Variants in TBC1D1 observed in about 807,000 individuals in gnomAD.
TBC1D1 encodes TBC1 domain family member 1.
A neutral mutation model predicts 125.6 loss-of-function variants in TBC1D1; 89 were observed. The observed-to-expected ratio is 0.71, with a 90% CI of 0.60 to 0.85. TBC1D1 has a LOEUF of 0.85. TBC1D1 is among the 40% of genes least tolerant of loss of function. The probability of loss-of-function intolerance (pLI) is 0.00; values close to 1 mark genes in which losing one functional copy is unlikely to be tolerated. For synonymous variants in TBC1D1, 565 were observed against 564.1 expected (o/e 1.00, Z -0.02); for missense variants, 1,377 against 1,469.2 (o/e 0.94, Z 1.03).
intron 2 of TBC1D1, among the ~76,000 whole-genome samples, chr4:37,920,512 G>A (rs1333850421): frequency 6.6e-6 from 1 of 152,188 alleles, no homozygotes; most frequent in Non-Finnish European, 1.5e-5. Context: ...TGGGAAATAG[G>A]AAGTAAAAGG....
intron 17 of TBC1D1, among the ~76,000 whole-genome samples, chr4:38,121,841 T>A (rs1763902716): frequency 6.6e-6 from 1 of 152,166 alleles, no homozygotes; most frequent in East Asian, 1.9e-4. Flanking sequence ...TAAAATTAGA[T>A]GTGATTTAAA....
At chr4:37,962,339 T>C (rs1730222756) in intron 2 of TBC1D1, among the ~76,000 whole-genome samples, 1 of 152,236 alleles carries the variant, frequency 6.6e-6, no homozygotes, top group Non-Finnish European at 1.5e-5. Flanking sequence ...AAGATTCATA[T>C]TTCTGCATTT....
intron 2 of TBC1D1, among the ~76,000 whole-genome samples, chr4:37,906,495 T>C (rs1717375231): frequency 6.6e-6 from 1 of 152,228 alleles, no homozygotes; most frequent in African/African-American, 2.4e-5. Flanking sequence ...GCTGATTTCT[T>C]TGGACATTGT....
At chr4:37,958,107 A>G (rs1221840246) in intron 2 of TBC1D1, among the ~76,000 whole-genome samples, 1 of 152,244 alleles carries the variant, frequency 6.6e-6, no homozygotes, top group Non-Finnish European at 1.5e-5. Flanking sequence ...CCCTTTTCTC[A>G]TATACGTTTA....
intron 12 of TBC1D1, among the ~76,000 whole-genome samples, chr4:38,060,415 G>T (rs1014311786): frequency 1.3e-5 from 2 of 152,084 alleles, no homozygotes; most frequent in South Asian, 2.1e-4. Context: ...AATAATCACC[G>T]TTCTGACTGG....
At chr4:38,133,666 G>A (rs1406661791) in intron 19 of TBC1D1, among the ~76,000 whole-genome samples, 2 of 152,206 alleles carry the variant, frequency 1.3e-5, no homozygotes, top group Non-Finnish European at 2.9e-5. Flanking sequence ...AAGTAACACA[G>A]AAATAAATAT....
chr4:37,980,147 A>G (rs1010522612), intron 2 of TBC1D1, among the ~76,000 whole-genome samples: 4 of 152,180 alleles, frequency 2.6e-5, no homozygotes, highest in Middle Eastern at 3.2e-3. Context: ...AGAGTGGGCA[A>G]TTTCATGATG....
At chr4:37,955,172 A>G (rs1358328345) in intron 2 of TBC1D1, among the ~76,000 whole-genome samples, 1 of 152,186 alleles carries the variant, frequency 6.6e-6, no homozygotes, top group African/African-American at 2.4e-5. Context: ...TGTATAATCT[A>G]ATAAATTTAA....
chr4:38,015,062 A>G (rs762567709), intron 3 of TBC1D1, 89 bp downstream of exon 3: 130 of 1,061,846 alleles, frequency 1.2e-4, no homozygotes, highest in Non-Finnish European at 1.6e-4. Context: ...TTCTTAGTCA[A>G]TTGCTTTTGA....
chr4:38,127,524 T>C (rs1195392164), intron 18 of TBC1D1, among the ~76,000 whole-genome samples: 1 of 151,962 alleles, frequency 6.6e-6, no homozygotes, highest in Non-Finnish European at 1.5e-5. Context: ...CCTGGGACTA[T>C]AGGCATGTGC....
intron 15 of TBC1D1, among the ~76,000 whole-genome samples, chr4:38,107,464 C>G (rs1213391470): frequency 6.6e-6 from 1 of 151,952 alleles, no homozygotes; most frequent in African/African-American, 2.4e-5. Flanking sequence ...AAGTGACCTT[C>G]ATATTCTGGC....
chr4:38,050,805 T>G (rs764906872), intron 11 of TBC1D1, among the ~76,000 whole-genome samples: 1 of 152,200 alleles, frequency 6.6e-6, no homozygotes, highest in Non-Finnish European at 1.5e-5. Context: ...AGTAAAGAAG[T>G]GTGAGCATTA....
At chr4:38,006,684 T>TGC in intron 2 of TBC1D1, 1 of 280,992 alleles carries the variant, frequency 3.6e-6, no homozygotes, top group Non-Finnish European at 7.0e-6. Context: ...TTTCACCATG[T>TGC]TAGCCAGGAT....
chr4:37,980,798 C>A (rs1734192178), intron 2 of TBC1D1, among the ~76,000 whole-genome samples: 5 of 149,518 alleles, frequency 3.3e-5, no homozygotes, highest in Admixed American at 3.3e-4. Flanking sequence ...AGTGCTCATT[C>A]AACAAGTGTT....
chr4:38,074,593 TCATTTAATCAAAGCAGCCGACTTCTC>T (rs1382792334), intron 12 of TBC1D1, among the ~76,000 whole-genome samples: 1 of 152,168 alleles, frequency 6.6e-6, no homozygotes, highest in Non-Finnish European at 1.5e-5. Flanking sequence ...CTGAATTACT[TCATTTAATCAAAGCAGCCGACTTCTC>T]CTGCCTCCCC....
chr4:38,010,195 T>A (rs1271655273), intron 2 of TBC1D1, among the ~76,000 whole-genome samples: 1 of 152,212 alleles, frequency 6.6e-6, no homozygotes, highest in African/African-American at 2.4e-5. Flanking sequence ...GTCTTCCGCC[T>A]TATTTATTTT....
intron 2 of TBC1D1, among the ~76,000 whole-genome samples, chr4:37,919,046 G>T (rs531150738): frequency 9.5e-5 from 14 of 148,138 alleles, no homozygotes; most frequent in Admixed American, 3.4e-4. Context: ...GCAAGAAAAT[G>T]ATTCCTATCT....
In TBC1D1 at chr4:38,133,726, A is replaced by T. The variant is rs555770623; in HGVS notation, c.3306+469A>T. On this transcript the variant is annotated intron_variant, in intron 19 of 19. Coordinates refer to ENST00000261439, the MANE Select transcript of TBC1D1 (RefSeq NM_015173.4). ...CTTTGTGAGTCCTTGGTGCATATAC[A>T]AAGATTTGATTAATGAAGGTCTCAG... 1.1e-4 allele frequency among the ~76,000 whole-genome samples: 16 copies of T among 152,338 alleles called. No homozygotes were observed. The South Asian group carries it at 3.3e-3, about 32-fold the overall frequency.
rs577432194 is a variant in TBC1D1 at position 38,051,695 on chromosome 4, A to G, written c.1910+1797A>G. On this transcript the variant is annotated intron_variant, in intron 11 of 19. Coordinates refer to ENST00000261439, the MANE Select transcript of TBC1D1 (RefSeq NM_015173.4). Reference sequence around the variant, plus strand: ...GGGAAATGGTCAAGAACGGCCGTCAATATACTCTGTTTTTCACTGAAAACT... The same window carrying G: ...GGGAAATGGTCAAGAACGGCCGTCAGTATACTCTGTTTTTCACTGAAAACT... Among the ~76,000 whole-genome samples, 18 of 152,296 alleles carry G rather than the reference A, an allele frequency of 1.2e-4. No individual in the cohort carries two copies. In the South Asian group the frequency reaches 1.2e-3, roughly 11 times the overall value.
Sources: allele counts gnomAD v4.1 joint callset (sites outside exome capture counted in the v4.1 genomes callset), GRCh38; gene constraint gnomAD v4.1.1; transcripts MANE v1.5; gene names NCBI Gene and HGNC (gene_info 2026-07-23, HGNC 2026-07-21).